ZBTB7A: variants seen among roughly 807,000 people sequenced by gnomAD.
The protein encoded by ZBTB7A is zinc finger and BTB domain-containing protein 7A.
In ZBTB7A, 7 loss-of-function variants were observed where a neutral mutation model predicts 26.7. The observed-to-expected ratio is 0.26, with a 90% confidence interval of 0.15 to 0.49. The LOEUF is 0.49. ZBTB7A is among the 20% of genes least tolerant of loss of function. The probability of loss-of-function intolerance (pLI) is 0.98; values close to 1 mark genes in which losing one functional copy is unlikely to be tolerated. For missense variants in ZBTB7A, 617 were observed against 919.5 expected (o/e 0.67, Z 4.25); for synonymous variants, 452 against 441.0 (o/e 1.02, Z -0.31).
intron 2 of ZBTB7A, among the ~76,000 whole-genome samples, chr19:4,050,999 G>A (rs1438156630): frequency 6.7e-6 from 1 of 149,532 alleles, no homozygotes; most frequent in Non-Finnish European, 1.5e-5. Flanking sequence ...TTGGGAAGCT[G>A]AGGCAGGAGA....
Position 4,057,460 on chromosome 19 carries a change from C to T in ZBTB7A, c.-15-2213G>A, listed in dbSNP as rs191729755. Among the ~76,000 whole-genome samples, 253 of 152,254 alleles carry T rather than the reference C, an allele frequency of 1.7e-3. 1 individual carries two copies. The highest frequency in any genetic ancestry group is 5.7e-3 in the African/African-American group (236 of 41,546). ...TGTTGATCTGAGCACGGGCTTCGGC[C>T]GATACAGAGGGGAGGCCACGCAGTG... On this transcript the variant is annotated intron_variant, in intron 1 of 2. Transcript: ENST00000322357.
intron 2 of ZBTB7A, among the ~76,000 whole-genome samples, chr19:4,049,375 T>C (rs2040472864): frequency 6.7e-6 from 1 of 149,992 alleles, no homozygotes; most frequent in African/African-American, 2.5e-5. Context: ...ACAGTGGGCT[T>C]CTGCCACTCC....
chr19:4,061,732 G>C (rs1177234723), intron 1 of ZBTB7A: 1 of 152,366 alleles, frequency 6.6e-6, no homozygotes, highest in Admixed American at 6.5e-5. Context: ...GCGGGGATGG[G>C]GGCAGCGATG....
intron 1 of ZBTB7A, 108 bp from the exon 2 acceptor site, chr19:4,055,355 C>T: frequency 2.1e-6 from 3 of 1,402,596 alleles, no homozygotes; most frequent in African/African-American, 2.9e-5. Context: ...ACCCTGCTCC[C>T]CCAGCCTCAC....
chr19:4,058,798 C>T (rs945748162), intron 1 of ZBTB7A, among the ~76,000 whole-genome samples: 12 of 152,300 alleles, frequency 7.9e-5, no homozygotes, highest in Admixed American at 5.2e-4. Context: ...GCCCTCAGCG[C>T]GGGGCCTGAG....
In ZBTB7A at chr19:4,054,396, C is replaced by A; in HGVS notation, c.837G>T (p.Glu279Asp). The part of the protein sequence containing the change: ...NGHYGRGGEE[E>D]AASLSEAAPE... ...GGGCCGCCTCCGACAGCGAGGCGGC[C>A]TCCTCCTCTCCGCCGCGGCCGTAGT... Residue 279 changes from glutamate to aspartate, a missense_variant, in exon 2 of 3, where the codon GAG (glutamate) becomes GAT (aspartate). Physicochemically the swap from Glu to Asp is conservative, Grantham distance 45. Coordinates refer to ENST00000322357, the MANE Select transcript of ZBTB7A (RefSeq NM_015898.4). 1 of 1,401,664 alleles carries A rather than the reference C, an allele frequency of 7.1e-7. No homozygotes were observed. The highest frequency in any genetic ancestry group is 9.2e-7 in the Non-Finnish European group (1 of 1,090,368). The allele number at this position is 1,401,664 out of a possible 1,614,324, so 86.8% of individuals were successfully genotyped here. A position where few individuals can be genotyped will look rare whatever the true frequency, so the allele number is the denominator to read the frequency against.
Position 4,044,673 on chromosome 19 carries a change from T to TG in ZBTB7A, c.*3078_*3079insC, listed in dbSNP as rs943362069. 12 of 146,272 alleles carry TG rather than the reference T, an allele frequency of 8.2e-5. No homozygotes were observed. The highest frequency in any genetic ancestry group is 3.1e-4 in the African/African-American group (12 of 39,256). 9.1% of individuals were successfully genotyped at this position (146,272 alleles called of 1,614,324 possible). A position where few individuals can be genotyped will look rare whatever the true frequency, so the allele number is the denominator to read the frequency against. On this transcript the variant is annotated 3_prime_UTR_variant, in exon 3 of 3. Coordinates refer to ENST00000322357, the MANE Select transcript of ZBTB7A (RefSeq NM_015898.4). ...AATAACAATTTCGCATTGTTTTTCT[T>TG]TTTTTTTTTTCTCTTTTTTTTTTTG...
At position 4,054,731 on chromosome 19, in the gene ZBTB7A, G is replaced by A; in HGVS notation, c.502C>T (p.Pro168Ser). 6.4e-7 allele frequency: 1 copy of A among 1,570,546 alleles called. No individual in the cohort carries two copies. Among genetic ancestry groups the A allele is most frequent in the African/African-American group, 1.4e-5 (1 of 74,012 alleles). ...KEYLEFFQSN[P>S]MNSLPPAAAA... ...GCCGCGGGGGGCAGGCTGTTCATGG[G>A]GTTGCTCTGGAAGAACTCGAGGTAC... The change falls in exon 2 of 3, where the codon CCC becomes TCC. Residue 168 changes from proline (P) to serine (S), a missense_variant. Transcript: ENST00000322357.
At position 4,058,926 on chromosome 19, in the gene ZBTB7A, C is replaced by T. The variant is rs375683274; in HGVS notation, c.-15-3679G>A. On this transcript the variant is annotated intron_variant, in intron 1 of 2. Transcript: ENST00000322357. ...CGGCCCAGGGCCCAGCTGCTCAGCACCCCCGTCTACTCTAAGGCCTGTGGT... is the reference window on the plus strand; with the variant it reads ...CGGCCCAGGGCCCAGCTGCTCAGCATCCCCGTCTACTCTAAGGCCTGTGGT... 2.0e-5 allele frequency among the ~76,000 whole-genome samples: 3 copies of T among 152,204 alleles called. No individual in the cohort carries two copies. In the East Asian group the frequency reaches 5.8e-4, roughly 29 times the overall value.
At chr19:4,065,044 G>C (rs1483012159) in intron 1 of ZBTB7A, among the ~76,000 whole-genome samples, 1 of 151,802 alleles carries the variant, frequency 6.6e-6, no homozygotes, top group Non-Finnish European at 1.5e-5. Flanking sequence ...CCCAGGCCGG[G>C]GGGGCTGGGT....
chr19:4,053,987 T>G lies in ZBTB7A; in HGVS notation c.1246A>C (p.Lys416Gln). The part of the protein sequence containing the change: ...GEKPYECNIC[K>Q]VRFTRQDKLK... ...GCAGCTCACCTGGTGAAGCGGACCT[T>G]GCAGATGTTGCACTCGTAGGGCTTC... The change falls in exon 2 of 3, where the codon AAG becomes CAG. Residue 416 changes from lysine to glutamine, a missense_variant. Around this residue, in one of 5 missense-constraint regions of ZBTB7A, gnomAD observed 41 missense variants for 167.6 expected, o/e 0.24. Coordinates refer to ENST00000322357, the MANE Select transcript of ZBTB7A (RefSeq NM_015898.4). The G allele has an allele frequency of 1.9e-6, 3 of 1,604,850 alleles. No homozygotes were observed. The highest frequency in any genetic ancestry group is 2.5e-6 in the Non-Finnish European group (3 of 1,176,754).
At chr19:4,066,069 G>A (rs2040693193) in intron 1 of ZBTB7A, among the ~76,000 whole-genome samples, 1 of 149,906 alleles carries the variant, frequency 6.7e-6, no homozygotes, top group African/African-American at 2.4e-5. Flanking sequence ...CAAGCCGCTT[G>A]CCACCTGCCG....
intron 1 of ZBTB7A, among the ~76,000 whole-genome samples, chr19:4,064,108 C>T (rs1220455894): frequency 2.0e-5 from 3 of 152,260 alleles, no homozygotes; most frequent in Non-Finnish European, 4.4e-5. Context: ...CTCAGTCTCC[C>T]GCACAGAGCA....
At chr19:4,051,056 C>T (rs887799999) in intron 2 of ZBTB7A, among the ~76,000 whole-genome samples, 1 of 130,586 alleles carries the variant, frequency 7.7e-6, no homozygotes, top group African/African-American at 3.0e-5. Flanking sequence ...TGAGATCGTG[C>T]CACTGCACTC....
At chr19:4,055,610 CAG>C (rs1304828261) in intron 1 of ZBTB7A, 1 of 324,778 alleles carries the variant, frequency 3.1e-6, no homozygotes, top group Admixed American at 6.5e-5. Flanking sequence ...ATCATGAGGT[CAG>C]GGGATGGAGA....
At chr19:4,049,338 G>A (rs940152073) in intron 2 of ZBTB7A, among the ~76,000 whole-genome samples, 1 of 149,982 alleles carries the variant, frequency 6.7e-6, no homozygotes, top group Non-Finnish European at 1.5e-5. Flanking sequence ...CGCCCGCCAT[G>A]AACCCCTTTC....
rs1297629286 is a variant in ZBTB7A, at chr19:4,060,119, C to T, written c.-15-4872G>A. ...GTGGGATTTCCGGGGCTGCTTGGTG[C>T]TGACTCGGCGGCCGAGGGGCAGGCC... On this transcript the variant is annotated intron_variant, in intron 1 of 2. Transcript: ENST00000322357. Among the ~76,000 whole-genome samples the T allele has an allele frequency of 3.3e-5, 5 of 150,854 alleles. No individual in the cohort carries two copies. The East Asian group carries it at 9.7e-4, about 29-fold the overall frequency.
chr19:4,054,471 C>G lies in ZBTB7A; in HGVS notation c.762G>C (p.Gly254=). ...GGGCCACCGGCGGCGGAAAGAGACC[C>G]CCGGTGGGGGCGTCCTCATCCCGCT... The part of the protein sequence containing the change: ...WPERDEDAPT[G]GLFPPPVAPP... The change falls in exon 2 of 3, where the codon GGG becomes GGC. Residue 254 remains glycine (G), a synonymous_variant. Coordinates refer to ENST00000322357, the MANE Select transcript of ZBTB7A (RefSeq NM_015898.4). 1 of 1,371,204 alleles carries G rather than the reference C, an allele frequency of 7.3e-7. No individual in the cohort carries two copies. The highest frequency in any genetic ancestry group is 9.3e-7 in the Non-Finnish European group (1 of 1,070,760). The allele number at this position is 1,371,204 out of a possible 1,614,324, so 84.9% of individuals were successfully genotyped here.
chr19:4,047,853 C>T lies in ZBTB7A; in HGVS notation c.1654G>A (p.Gly552Ser). 2 of 1,605,424 alleles carry T rather than the reference C, an allele frequency of 1.2e-6. No homozygotes were observed. Among genetic ancestry groups the T allele is most frequent in the East Asian group, 2.3e-5 (1 of 43,994 alleles). Residue 552 changes from glycine (G) to serine (S), a missense_variant, in exon 3 of 3, where the codon GGC (glycine) becomes AGC (serine). By Grantham distance (56) the Gly-to-Ser change is moderately conservative. Transcript: ENST00000322357. The stretch of plus-strand genomic sequence containing the variant: ...CCCGCTACATTCAACCGGCCCAAGC[C>T]GTCGGGGCTGGCCACGTCCTCGTCC... ...DEDEDVASPDGLGRLNVAGAG... is the reference protein window; with the variant it reads ...DEDEDVASPDSLGRLNVAGAG...
Sources: allele counts gnomAD v4.1 joint callset (sites outside exome capture counted in the v4.1 genomes callset), GRCh38; gene constraint gnomAD v4.1.1; regional missense constraint gnomAD v4.1.1; transcripts MANE v1.5; gene names NCBI Gene and HGNC (gene_info 2026-07-23, HGNC 2026-07-21).